Variants in DENND2B observed in about 807,000 individuals in gnomAD.
DENND2B encodes DENN domain containing 2B.
DENND2B carries 32 observed loss-of-function variants against 116.0 expected under a neutral mutation model. The ratio of observed to expected loss-of-function variants is 0.28; its 90% CI spans 0.21 to 0.37. The LOEUF (loss-of-function observed/expected upper bound fraction) is 0.37. Among genes scored for constraint, DENND2B ranks in the 10% least tolerant of loss-of-function variants. The pLI, the probability that DENND2B is intolerant of heterozygous loss-of-function variation, is 1.00. For missense variants in DENND2B, 1,276 were observed against 1,477.7 expected (o/e 0.86, Z 2.24); for synonymous variants, 588 against 583.9 (o/e 1.01, Z -0.10).
chr11:8,710,833 G>A lies in DENND2B; in HGVS notation c.2352+12C>T. 6.2e-7 allele frequency: 1 copy of A among 1,613,042 alleles called. No individual in the cohort carries two copies. The highest frequency in any genetic ancestry group is 1.3e-5 in the African/African-American group (1 of 74,712). Reference sequence around the variant, plus strand: ...CTGCCTGCTGGCCTGAGGACCGAATGGCCTCACTCACCAGTAAGCGCCTGC... The same window carrying A: ...CTGCCTGCTGGCCTGAGGACCGAATAGCCTCACTCACCAGTAAGCGCCTGC... On this transcript the variant is annotated intron_variant, in intron 11 of 19. Coordinates refer to ENST00000313726, the MANE Select transcript of DENND2B (RefSeq NM_213618.2).
In DENND2B at chr11:8,869,049, G is replaced by A. The variant is rs113469307; in HGVS notation, c.-250+1905C>T. On this transcript the variant is annotated intron_variant, in intron 2 of 6. Coordinates refer to the DENND2B transcript ENST00000524757. The stretch of plus-strand genomic sequence containing the variant: ...GTGTATTTTACATGCGGCCCCAGGC[G>A]ATTCTTCTTCCAGTGTGACCCCGGG... Among the ~76,000 whole-genome samples, 12 of 152,154 alleles carry A rather than the reference G, an allele frequency of 7.9e-5. No individual in the cohort carries two copies. The East Asian group carries it at 1.9e-3, about 24-fold the overall frequency.
At chr11:8,798,583 A>G (rs2060033466) in intron 1 of DENND2B, among the ~76,000 whole-genome samples, 1 of 152,110 alleles carries the variant, frequency 6.6e-6, no homozygotes, top group East Asian at 1.9e-4. Flanking sequence ...TTCTTCCTGC[A>G]AGGCCATGTA....
At chr11:8,750,186 C>T (rs2052103280) in intron 2 of DENND2B, among the ~76,000 whole-genome samples, 1 of 152,108 alleles carries the variant, frequency 6.6e-6, no homozygotes, top group Admixed American at 6.5e-5. Flanking sequence ...TTCCAAAATC[C>T]ACGGTTTCTC....
chr11:8,789,744 C>G (rs1161916675), intron 1 of DENND2B, among the ~76,000 whole-genome samples: 3 of 142,038 alleles, frequency 2.1e-5, no homozygotes, highest in African/African-American at 7.8e-5. Context: ...GAACTCCCAG[C>G]CTGGGCAACA....
rs1309184459 is a variant in DENND2B, at chr11:8,726,081, T to C, written c.1469A>G (p.Asp490Gly). The C allele has an allele frequency of 1.9e-6, 3 of 1,613,958 alleles. No individual in the cohort carries two copies. Among genetic ancestry groups the C allele is most frequent in the African/African-American group, 1.3e-5 (1 of 74,896 alleles). ...CCTCTGCCATTGCTTACCCACAATA[T>C]CTTCATAGGCATTTTCTTCTAAAGT... ...KSTLEENAYEDIVGDLPKENP... is the reference protein window; with the variant it reads ...KSTLEENAYEGIVGDLPKENP... The change falls in exon 4 of 20, where the codon GAT becomes GGT. Residue 490 changes from aspartate to glycine, a missense_variant. Asp to Gly is a moderately conservative substitution (Grantham distance 94). Transcript: ENST00000313726.
At chr11:8,886,878 G>A (rs148873931) in intron 1 of DENND2B, among the ~76,000 whole-genome samples, 2 of 152,076 alleles carry the variant, frequency 1.3e-5, no homozygotes, top group Admixed American at 1.3e-4. Context: ...GCCCAGGCTG[G>A]AGTGCAATGG....
At chr11:8,784,022 C>T (rs148598707) in intron 1 of DENND2B, 1 of 152,206 alleles carries the variant, frequency 6.6e-6, no homozygotes, top group Admixed American at 6.5e-5. Context: ...TTCACAGATT[C>T]TGAACCTGCC....
At chr11:8,861,637 A>G (rs541419812) in intron 2 of DENND2B, among the ~76,000 whole-genome samples, 1 of 152,332 alleles carries the variant, frequency 6.6e-6, no homozygotes, top group South Asian at 2.1e-4. Flanking sequence ...TTTCTCAAAT[A>G]ACTAAAAATA....
intron 3 of DENND2B, among the ~76,000 whole-genome samples, chr11:8,853,196 C>T (rs1383654137): frequency 2.0e-5 from 3 of 152,044 alleles, no homozygotes; most frequent in Non-Finnish European, 4.4e-5. Context: ...AACCCCGTCC[C>T]TACTAAAAAT....
At position 8,730,258 on chromosome 11, in the gene DENND2B, A is replaced by G; in HGVS notation, c.1032T>C (p.Val344=). ...CTGGGGGTGGGCCCGCCTCCCCCGCAACACCAGCCACTCCGACTGCCCGGC... is the reference window on the plus strand; with the variant it reads ...CTGGGGGTGGGCCCGCCTCCCCCGCGACACCAGCCACTCCGACTGCCCGGC... ...AGSRAVGVAG[V]AGEAGPPPER... The change falls in exon 3 of 20, where the codon GTT becomes GTC. Residue 344 remains valine (V), a synonymous_variant. Transcript: ENST00000313726. The surrounding 1 kb of genome is among the most constrained non-coding windows in gnomAD (Gnocchi z 4.1). The G allele has an allele frequency of 1.9e-6, 3 of 1,611,102 alleles. No individual in the cohort carries two copies. The highest frequency in any genetic ancestry group is 1.1e-5 in the South Asian group (1 of 90,940).
chr11:8,909,124 T>C lies in DENND2B; in HGVS notation c.-256+1697A>G, dbSNP rs116208638. 2.5e-3 allele frequency among the ~76,000 whole-genome samples: 387 copies of C among 152,164 alleles called. 2 individuals are homozygous for C. The highest frequency in any genetic ancestry group is 8.3e-3 in the African/African-American group (345 of 41,500). On this transcript the variant is annotated intron_variant, in intron 1 of 22. Transcript: ENST00000534127. ...AGTTAGTACTATTGGAATCCCCAGA[T>C]ATAGAGATGAGGAAAAGTGAGGCTC... is the stretch of plus-strand genomic sequence containing the variant.
At chr11:8,729,496 T>C (rs2047714801) in intron 3 of DENND2B, among the ~76,000 whole-genome samples, 1 of 152,224 alleles carries the variant, frequency 6.6e-6, no homozygotes, top group Non-Finnish European at 1.5e-5. Context: ...TTGCCGACAC[T>C]ACCATGTTAA....
upstream of DENND2B, chr11:8,811,579 A>G (rs963691214): frequency 3.3e-5 from 12 of 368,256 alleles, 1 homozygote; most frequent in East Asian, 3.9e-5. Context: ...TCCCATCCCC[A>G]TCCCCATCCT....
At chr11:8,742,614 G>T (rs564955145) in intron 2 of DENND2B, among the ~76,000 whole-genome samples, 8 of 152,314 alleles carry the variant, frequency 5.3e-5, no homozygotes, top group African/African-American at 1.9e-4. Context: ...CATCTGACTT[G>T]CTCTAGCTGC....
chr11:8,819,984 A>C (rs1208152557), intron 4 of DENND2B, among the ~76,000 whole-genome samples: 2 of 152,260 alleles, frequency 1.3e-5, no homozygotes, highest in African/African-American at 2.4e-5. Flanking sequence ...ATTATTTAAA[A>C]GTAAAAAGTT....
intron 3 of DENND2B, among the ~76,000 whole-genome samples, chr11:8,848,132 T>A (rs1479703578): frequency 6.6e-6 from 1 of 152,134 alleles, no homozygotes; most frequent in Non-Finnish European, 1.5e-5. Flanking sequence ...AGGATACAAT[T>A]AAAGTCCAGA....
chr11:8,739,172 T>C (rs1348419628), intron 2 of DENND2B, among the ~76,000 whole-genome samples: 1 of 152,248 alleles, frequency 6.6e-6, no homozygotes, highest in African/African-American at 2.4e-5. Flanking sequence ...GCTCACAACA[T>C]TGTCTGCAGA....
At chr11:8,884,330 G>A (rs1018829676) in intron 1 of DENND2B, among the ~76,000 whole-genome samples, 2 of 149,988 alleles carry the variant, frequency 1.3e-5, no homozygotes, top group African/African-American at 4.9e-5. Context: ...TTTTGTTGTT[G>A]TTGTTGTTTT....
intron 4 of DENND2B, among the ~76,000 whole-genome samples, chr11:8,822,685 G>T (rs930721155): frequency 4.6e-5 from 7 of 152,176 alleles, no homozygotes; most frequent in African/African-American, 1.7e-4. Context: ...AACTCTGCAG[G>T]TGGGCTAGTT....
Sources: allele counts gnomAD v4.1 joint callset (sites outside exome capture counted in the v4.1 genomes callset), GRCh38; gene constraint gnomAD v4.1.1; non-coding constraint Gnocchi (gnomAD v3.1); transcripts MANE v1.5; gene names NCBI Gene and HGNC (gene_info 2026-07-23, HGNC 2026-07-21).